MEI4: variants seen among roughly 807,000 people sequenced by gnomAD.
MEI4 encodes the protein meiosis-specific protein MEI4.
A neutral mutation model predicts 31.4 loss-of-function variants in MEI4; 27 were observed. The ratio of observed to expected loss-of-function variants is 0.86; its 90% CI spans 0.63 to 1.19. MEI4 has a LOEUF of 1.19. Among genes scored for constraint, MEI4 ranks in the 50% most tolerant of loss-of-function variants. The pLI is 0.00. For missense variants in MEI4, 329 were observed against 398.9 expected (o/e 0.82, Z 1.49); for synonymous variants, 122 against 145.4 (o/e 0.84, Z 1.16).
chr6:77,713,873 T>C (rs2127660929), intron 2 of MEI4, among the ~76,000 whole-genome samples: 1 of 152,308 alleles, frequency 6.6e-6, no homozygotes, highest in Non-Finnish European at 1.5e-5. Flanking sequence ...GCCCCCGTAA[T>C]AGGTTGTCTG....
chr6:77,675,078 A>G (rs1420836980), intron 1 of MEI4, among the ~76,000 whole-genome samples: 2 of 102,820 alleles, frequency 1.9e-5, no homozygotes, highest in Non-Finnish European at 3.9e-5. Context: ...ACAGTTACGT[A>G]ATTTATCATT....
At position 77,868,516 on chromosome 6, in the gene MEI4, T is replaced by TATATATATATATATATATAC. The variant is rs375883143; in HGVS notation, c.900+39466_900+39467insATATATACATATATATATAT. 1.3e-3 allele frequency among the ~76,000 whole-genome samples: 171 copies of TATATATATATATATATATAC among 133,768 alleles called. 3 individuals are homozygous for TATATATATATATATATATAC. Among genetic ancestry groups the TATATATATATATATATATAC allele is most frequent in the Middle Eastern group, 7.9e-3 (2 of 254 alleles). 87.8% of individuals were successfully genotyped at this position (133,768 alleles called of 152,430 possible). A position where few individuals can be genotyped will look rare whatever the true frequency, so the allele number is the denominator to read the frequency against. ...AAAAAATACTACATATATATATATA[T>TATATATATATATATATATAC]ATATATATATATGCAGATTTCAAGT... On this transcript the variant is annotated intron_variant, in intron 4 of 4. Transcript: ENST00000684080.
intron 2 of MEI4, among the ~76,000 whole-genome samples, chr6:77,731,948 C>T (rs1414041369): frequency 2.7e-5 from 4 of 148,394 alleles, no homozygotes; most frequent in East Asian, 2.0e-4. Context: ...ACATATGCGG[C>T]ATTATTTCTG....
intron 2 of MEI4, among the ~76,000 whole-genome samples, chr6:77,726,907 T>C (rs1766839779): frequency 2.0e-5 from 3 of 151,726 alleles, no homozygotes; most frequent in Non-Finnish European, 2.9e-5. Context: ...GATTTTGAAA[T>C]TGGTGCTTTA....
chr6:77,778,657 A>T (rs2127689432), intron 3 of MEI4, among the ~76,000 whole-genome samples: 1 of 152,154 alleles, frequency 6.6e-6, no homozygotes, highest in African/African-American at 2.4e-5. Flanking sequence ...CCATGATTGC[A>T]ACACTGCACT....
intron 4 of MEI4, among the ~76,000 whole-genome samples, chr6:77,889,149 G>C (rs4134365): frequency 0.53 from 80,760 of 151,938 alleles, 23,289 homozygotes; most frequent in East Asian, 0.75. Context: ...TCACCCCACT[G>C]TCTGTGGTAT....
At chr6:77,866,614 G>A (rs1392650717) in intron 4 of MEI4, among the ~76,000 whole-genome samples, 1 of 152,150 alleles carries the variant, frequency 6.6e-6, no homozygotes, top group Non-Finnish European at 1.5e-5. Context: ...ATGCTCATGG[G>A]TAGGAAGAAT....
At chr6:77,712,480 G>A (rs1405766306) in intron 2 of MEI4, among the ~76,000 whole-genome samples, 1 of 152,096 alleles carries the variant, frequency 6.6e-6, no homozygotes, top group Non-Finnish European at 1.5e-5. Context: ...ACACGTCTTG[G>A]AAATAAATAG....
chr6:77,865,423 A>G (rs1379606726), intron 4 of MEI4, among the ~76,000 whole-genome samples: 1 of 152,206 alleles, frequency 6.6e-6, no homozygotes, highest in Non-Finnish European at 1.5e-5. Flanking sequence ...CAGAAATTCA[A>G]ACTACCATCA....
intron 2 of MEI4, among the ~76,000 whole-genome samples, chr6:77,728,616 A>T (rs1766888083): frequency 6.6e-6 from 1 of 152,208 alleles, no homozygotes; most frequent in East Asian, 1.9e-4. Flanking sequence ...GAGTACCTGG[A>T]GATAGAGCAG....
chr6:77,746,440 C>G (rs561956688), intron 2 of MEI4, among the ~76,000 whole-genome samples: 22 of 152,198 alleles, frequency 1.4e-4, no homozygotes, highest in African/African-American at 4.8e-4. Context: ...TGCTCGAATG[C>G]CTTGAGCTGG....
At chr6:77,734,375 T>C (rs141045195) in intron 2 of MEI4, among the ~76,000 whole-genome samples, 5,054 of 152,142 alleles carry the variant, frequency 0.033, 115 homozygotes, top group Middle Eastern at 0.095. Flanking sequence ...TGAATTGATC[T>C]CTTTACCATT....
chr6:77,710,520 C>CAAAAAAA (rs1198470708), intron 2 of MEI4, among the ~76,000 whole-genome samples: 21 of 57,620 alleles, frequency 3.6e-4, no homozygotes, highest in African/African-American at 7.0e-4. Context: ...GACTCCATCT[C>CAAAAAAA]AAAAAAAAAA....
rs866867736 is a variant in MEI4, at chr6:77,742,763, G to T, written c.233-18367G>T. Among the ~76,000 whole-genome samples, 198 of 150,074 alleles carry T rather than the reference G, an allele frequency of 1.3e-3. 2 individuals are homozygous for T. Among genetic ancestry groups the T allele is most frequent in the African/African-American group, 4.4e-3 (174 of 39,490 alleles). On this transcript the variant is annotated intron_variant, in intron 2 of 4. Coordinates refer to ENST00000684080, the MANE Select transcript of MEI4 (RefSeq NM_001322247.2). ...GTTTTTATGGTTTTAGGTCTAACATGTAAGTCTTTAAACCATCTTGAATTA... is the reference window on the plus strand; with the variant it reads ...GTTTTTATGGTTTTAGGTCTAACATTTAAGTCTTTAAACCATCTTGAATTA...
At chr6:77,815,922 C>A (rs959550665) in intron 3 of MEI4, among the ~76,000 whole-genome samples, 5 of 151,656 alleles carry the variant, frequency 3.3e-5, no homozygotes, top group African/African-American at 7.3e-5. Context: ...ACAAAAACTT[C>A]TTTGCAGGGT....
At position 77,820,627 on chromosome 6, in the gene MEI4, A is replaced by G. The variant is rs1769800503; in HGVS notation, c.769-8304A>G. Among the ~76,000 whole-genome samples, 1 of 152,110 alleles carries G rather than the reference A, an allele frequency of 6.6e-6. No homozygotes were observed. The highest frequency in any genetic ancestry group is 2.4e-5 in the African/African-American group (1 of 41,422). ...CAGTGTTAAAATGACTCATATTCAT[A>G]CATTGAAAACGTCTTATTTTCTCTT... On this transcript the variant is annotated intron_variant, in intron 3 of 4. Coordinates refer to ENST00000684080, the MANE Select transcript of MEI4 (RefSeq NM_001322247.2). This position sits in a 1 kb window ranked among gnomAD's most constrained non-coding sequence, Gnocchi z 4.5.
rs550252340 is a variant in MEI4 at position 77,678,834 on chromosome 6, C to T, written c.-14-11824C>T. The stretch of plus-strand genomic sequence containing the variant: ...CATTTTATTGCCCCTGAAGACCTTC[C>T]GGTGGGACAAGATGTGGAGGTTGAA... On this transcript the variant is annotated intron_variant, in intron 1 of 4. Coordinates refer to ENST00000684080, the MANE Select transcript of MEI4 (RefSeq NM_001322247.2). Among the ~76,000 whole-genome samples the T allele has an allele frequency of 1.4e-3, 217 of 152,030 alleles. 1 individual carries two copies. Among genetic ancestry groups the T allele is most frequent in the African/African-American group, 4.6e-3 (189 of 41,452 alleles).
At chr6:77,867,305 A>T (rs1209169470) in intron 4 of MEI4, among the ~76,000 whole-genome samples, 2 of 152,216 alleles carry the variant, frequency 1.3e-5, no homozygotes, top group Non-Finnish European at 2.9e-5. Context: ...GAATGGGAGA[A>T]AATTTTTGCA....
At chr6:77,729,693 G>C (rs979497064) in intron 2 of MEI4, among the ~76,000 whole-genome samples, 1 of 151,824 alleles carries the variant, frequency 6.6e-6, no homozygotes, top group African/African-American at 2.4e-5. Flanking sequence ...GGTACAAACA[G>C]TGTAGAGAAC....
Sources: gnomAD v4.1 joint callset for allele counts (sites outside exome capture counted in the v4.1 genomes callset) on GRCh38, gnomAD v4.1.1 for gene constraint, Gnocchi (gnomAD v3.1) non-coding constraint, MANE v1.5 for transcripts, NCBI Gene and HGNC (gene_info 2026-07-23, HGNC 2026-07-21) for gene names.